Variants in NTM observed in about 807,000 individuals in gnomAD.
The protein encoded by NTM is neurotrimin.
A neutral mutation model predicts 42.1 loss-of-function variants in NTM; 13 were observed. The observed-to-expected ratio is 0.31, with a 90% CI of 0.20 to 0.49. The LOEUF (loss-of-function observed/expected upper bound fraction) is 0.49. NTM is among the 20% of genes least tolerant of loss of function. NTM has a pLI of 0.99. For synonymous variants in NTM, 187 were observed against 179.2 expected, an observed-to-expected ratio of 1.04 and a Z score of -0.35; for missense variants, 373 against 452.8, an observed-to-expected ratio of 0.82 and a Z score of 1.60.
chr11:131,509,257 C>A (rs1238665938), intron 1 of NTM, among the ~76,000 whole-genome samples: 5 of 152,082 alleles, frequency 3.3e-5, no homozygotes, highest in Non-Finnish European at 5.9e-5. Context: ...TGCTTATGGG[C>A]TAGAGGTTTC....
chr11:131,617,514 A>G (rs2062062873), intron 1 of NTM, among the ~76,000 whole-genome samples: 1 of 152,148 alleles, frequency 6.6e-6, no homozygotes, highest in South Asian at 2.1e-4. Context: ...AGCTGAGCTG[A>G]GTCCCCTCGT....
At chr11:131,390,287 G>A (rs1943837571) in intron 1 of NTM, among the ~76,000 whole-genome samples, 1 of 152,048 alleles carries the variant, frequency 6.6e-6, no homozygotes, top group Non-Finnish European at 1.5e-5. Flanking sequence ...CTTTGAGGAG[G>A]GGACCAAGCC....
intron 1 of NTM, among the ~76,000 whole-genome samples, chr11:131,781,820 G>A (rs2088198618): frequency 6.6e-6 from 1 of 152,198 alleles, no homozygotes; most frequent in Admixed American, 6.5e-5. Context: ...GCACTCTCTG[G>A]AAGCTCATTA....
Position 131,643,051 on chromosome 11 carries a change from G to GAA in NTM, c.83-268500_83-268499dup, listed in dbSNP as rs34377077. The stretch of plus-strand genomic sequence containing the variant: ...ATTCTACACTTAAAGGAAAAAGAAT[G>GAA]AAAAAAAAAAAAAACTCAGAAGGGG... On this transcript the variant is annotated intron_variant, in intron 1 of 8. Coordinates refer to ENST00000683400, the MANE Select transcript of NTM (RefSeq NM_001352005.2). Among the ~76,000 whole-genome samples the GAA allele has an allele frequency of 4.5e-3, 588 of 132,024 alleles. 7 individuals carry two copies. The highest frequency in any genetic ancestry group is 0.013 in the African/African-American group (478 of 37,110). 86.6% of individuals were successfully genotyped at this position (132,024 alleles called of 152,430 possible). A position where few individuals can be genotyped will look rare whatever the true frequency, so the allele number is the denominator to read the frequency against.
rs186021270 is a variant in NTM, at chr11:131,971,390, T to G, written c.167+59742T>G. Among the ~76,000 whole-genome samples, 18 of 152,334 alleles carry G rather than the reference T, an allele frequency of 1.2e-4. No individual in the cohort carries two copies. The East Asian group carries it at 3.5e-3, about 29-fold the overall frequency. On this transcript the variant is annotated intron_variant, in intron 2 of 8. Transcript: ENST00000683400. ...TGTATTACCGATTCTTTGGCCTATT[T>G]TTTGATTGAACCACCTATCTTTTTC... is the stretch of plus-strand genomic sequence containing the variant.
intron 2 of NTM, among the ~76,000 whole-genome samples, chr11:131,997,534 G>T (rs1054158409): frequency 6.6e-6 from 1 of 152,200 alleles, no homozygotes; most frequent in Admixed American, 6.5e-5. Flanking sequence ...CAGTGGGTTT[G>T]CAGGCATAGC....
At chr11:131,952,960 G>A (rs756266589) in intron 2 of NTM, among the ~76,000 whole-genome samples, 2 of 152,078 alleles carry the variant, frequency 1.3e-5, no homozygotes, top group Non-Finnish European at 2.9e-5. Context: ...ATCTTGTGGT[G>A]GCATATAGAC....
In NTM at chr11:131,587,277, T is replaced by A. The variant is rs1230972293; in HGVS notation, c.82+216389T>A. Among the ~76,000 whole-genome samples, 8 of 152,220 alleles carry A rather than the reference T, an allele frequency of 5.3e-5. No homozygotes were observed. In the East Asian group the frequency reaches 9.7e-4, roughly 18 times the overall value. Reference sequence around the variant, plus strand: ...TCCTGGATAACGTGGTGAAACCCCATCTCTACTGAAAATACAAAACATTAG... The same window carrying A: ...TCCTGGATAACGTGGTGAAACCCCAACTCTACTGAAAATACAAAACATTAG... On this transcript the variant is annotated intron_variant, in intron 1 of 8. Transcript: ENST00000683400.
intron 2 of NTM, among the ~76,000 whole-genome samples, chr11:132,026,526 T>G (rs1223245877): frequency 6.6e-6 from 1 of 152,224 alleles, no homozygotes; most frequent in African/African-American, 2.4e-5. Context: ...GAGGTATTTT[T>G]TTTCCTTCTA....
chr11:131,803,145 G>T (rs78818643), intron 1 of NTM, among the ~76,000 whole-genome samples: 2,533 of 152,236 alleles, frequency 0.017, 65 homozygotes, highest in African/African-American at 0.057. Flanking sequence ...CATTCAATTT[G>T]TGGGATGTTT....
intron 1 of NTM, among the ~76,000 whole-genome samples, chr11:131,466,333 A>G (rs1186159284): frequency 6.6e-6 from 1 of 152,136 alleles, no homozygotes; most frequent in African/African-American, 2.4e-5. Context: ...TGCAAAGTGC[A>G]TTTTATTTAA....
intron 2 of NTM, among the ~76,000 whole-genome samples, chr11:131,960,773 G>A (rs2062072959): frequency 6.6e-6 from 1 of 152,172 alleles, no homozygotes; most frequent in African/African-American, 2.4e-5. Context: ...AAGTGCCTGA[G>A]GTTTTGGTCC....
At chr11:131,635,536 C>T (rs2064250046) in intron 1 of NTM, among the ~76,000 whole-genome samples, 1 of 151,630 alleles carries the variant, frequency 6.6e-6, no homozygotes, top group Non-Finnish European at 1.5e-5. Flanking sequence ...GTACTAAGTA[C>T]TAATATTACT....
chr11:131,521,635 T>C (rs1310314650), intron 1 of NTM, among the ~76,000 whole-genome samples: 1 of 151,936 alleles, frequency 6.6e-6, no homozygotes, highest in African/African-American at 2.4e-5. Flanking sequence ...CACTCATTAC[T>C]GTGAGGACAG....
intron 1 of NTM, among the ~76,000 whole-genome samples, chr11:131,467,534 G>A (rs1445950714): frequency 1.3e-5 from 2 of 152,216 alleles, no homozygotes; most frequent in Non-Finnish European, 2.9e-5. Flanking sequence ...CATTCTGGTA[G>A]TGATTCTTCA....
At chr11:131,514,843 T>G (rs760276041) in intron 1 of NTM, among the ~76,000 whole-genome samples, 7 of 152,152 alleles carry the variant, frequency 4.6e-5, no homozygotes, top group Non-Finnish European at 7.3e-5. Context: ...CCTACTGCCT[T>G]GGCTTCCCAA....
intron 3 of NTM, among the ~76,000 whole-genome samples, chr11:132,190,161 G>T (rs886245407): frequency 1.3e-5 from 2 of 152,098 alleles, no homozygotes; most frequent in South Asian, 4.1e-4. Context: ...ACAAGGTTTG[G>T]TTCTCATAGC....
intron 1 of NTM, among the ~76,000 whole-genome samples, chr11:131,773,268 G>A (rs957195123): frequency 6.6e-6 from 1 of 152,114 alleles, no homozygotes; most frequent in African/African-American, 2.4e-5. Context: ...AAAGGGCCAA[G>A]CACCTTTCTG....
intron 7 of NTM, among the ~76,000 whole-genome samples, chr11:132,323,260 C>A (rs1328407299): frequency 1.3e-5 from 2 of 150,952 alleles, no homozygotes; most frequent in Non-Finnish European, 3.0e-5. Context: ...TTGAAAGGAT[C>A]AACAAAATTG....
Sources: allele counts gnomAD v4.1 joint callset (sites outside exome capture counted in the v4.1 genomes callset), GRCh38; gene constraint gnomAD v4.1.1; transcripts MANE v1.5; gene names NCBI Gene and HGNC (gene_info 2026-07-23, HGNC 2026-07-21).